Variants in PHAX observed in about 807,000 individuals in gnomAD.
PHAX encodes the protein phosphorylated adapter RNA export protein.
A neutral mutation model predicts 41.6 loss-of-function variants in PHAX; 31 were observed. The observed-to-expected ratio is 0.75, with a 90% CI of 0.56 to 1.01. PHAX has a LOEUF of 1.01. PHAX is among the 50% of genes least tolerant of loss of function. The pLI, the probability that PHAX is intolerant of heterozygous loss-of-function variation, is 0.00. For missense variants in PHAX, 453 were observed against 472.9 expected (o/e 0.96, Z 0.39); for synonymous variants, 175 against 164.9 (o/e 1.06, Z -0.47).
chr5:126,618,670 GT>G (rs1310062519), intron 4 of PHAX, among the ~76,000 whole-genome samples: 153 of 120,340 alleles, frequency 1.3e-3, no homozygotes, highest in African/African-American at 1.9e-3. Flanking sequence ...TTTAAAAACT[GT>G]TTTTTTTTTT....
At chr5:126,603,495 C>T in intron 1 of PHAX, 75 bp from the exon 2 acceptor site, 1 of 1,479,108 alleles carries the variant, frequency 6.8e-7, no homozygotes, top group Non-Finnish European at 9.1e-7. Context: ...AAAGTTGAAT[C>T]TCTAAATTTT....
chr5:126,603,863 G>C lies in PHAX; in HGVS notation c.390G>C (p.Val130=). Residue 130 remains valine, a synonymous_variant, in exon 2 of 5, where the codon GTG becomes GTC. Transcript: ENST00000297540. ...TGCAGGAACAGAATCAAGATGCAGT[G>C]GCCACTGAACTTGGTATCTTGGGAA... ...AVLQEQNQDA[V]ATELGILGME... is the part of the protein sequence containing the mutation. 6.2e-7 allele frequency: 1 copy of C among 1,614,032 alleles called. No individual in the cohort carries two copies. Among genetic ancestry groups the C allele is most frequent in the Non-Finnish European group, 8.5e-7 (1 of 1,180,022 alleles).
At position 126,624,908 on chromosome 5, in the gene PHAX, C is replaced by T; in HGVS notation, c.*64C>T. On this transcript the variant is annotated 3_prime_UTR_variant, in exon 5 of 5. Coordinates refer to ENST00000297540, the MANE Select transcript of PHAX (RefSeq NM_032177.4). ...ATAACATTGTAATAAACCATTTTTA[C>T]TGAGATTGCAACGTTTTGCACTGAT... 6.9e-7 allele frequency: 1 copy of T among 1,439,540 alleles called. No homozygotes were observed. 89.2% of individuals were successfully genotyped at this position (1,439,540 alleles called of 1,614,324 possible).
intron 3 of PHAX, among the ~76,000 whole-genome samples, chr5:126,609,720 AAAAAC>A (rs1752050280): frequency 6.6e-6 from 1 of 151,870 alleles, no homozygotes; most frequent in East Asian, 1.9e-4. Context: ...GGCAAAAAAA[AAAAAC>A]AAAACACCCT....
chr5:126,609,912 A>C (rs1226684507), intron 3 of PHAX, among the ~76,000 whole-genome samples: 1 of 151,662 alleles, frequency 6.6e-6, no homozygotes, highest in East Asian at 1.9e-4. Flanking sequence ...TAGTTTTTGT[A>C]TTTTAGTAGA....
In PHAX at chr5:126,608,439, G is replaced by A; in HGVS notation, c.786G>A (p.Leu262=). The change falls in exon 3 of 5, where the codon CTG becomes CTA. Residue 262 remains leucine (L), a synonymous_variant. Coordinates refer to ENST00000297540, the MANE Select transcript of PHAX (RefSeq NM_032177.4). ...IIGNKKAIEL[L]METAEVEQNG... Reference sequence around the variant, plus strand: ...GTAACAAAAAGGCAATTGAACTTCTGATGGAAACCGCTGAAGTTGAACAAA... The same window carrying A: ...GTAACAAAAAGGCAATTGAACTTCTAATGGAAACCGCTGAAGTTGAACAAA... 2.5e-6 allele frequency: 4 copies of A among 1,613,934 alleles called. No homozygotes were observed. The highest frequency in any genetic ancestry group is 3.4e-6 in the Non-Finnish European group (4 of 1,179,916).
Position 126,603,874 on chromosome 5 carries a change from T to C in PHAX, c.401T>C (p.Leu134Pro). 1 of 1,614,016 alleles carries C rather than the reference T, an allele frequency of 6.2e-7. No individual in the cohort carries two copies. Among genetic ancestry groups the C allele is most frequent in the Non-Finnish European group, 8.5e-7 (1 of 1,180,000 alleles). The change falls in exon 2 of 5, where the codon CTT becomes CCT. Residue 134 changes from leucine (L) to proline (P), a missense_variant. Leu to Pro is a moderately conservative substitution (Grantham distance 98, BLOSUM62 -3). Coordinates refer to ENST00000297540, the MANE Select transcript of PHAX (RefSeq NM_032177.4). ...EQNQDAVATE[L>P]GILGMEGTID... Reference sequence around the variant, plus strand: ...AATCAAGATGCAGTGGCCACTGAACTTGGTATCTTGGGAATGGAGGGCACT... The same window carrying C: ...AATCAAGATGCAGTGGCCACTGAACCTGGTATCTTGGGAATGGAGGGCACT...
Position 126,609,127 on chromosome 5 carries a change from G to A in PHAX, c.831+643G>A, listed in dbSNP as rs1251155850. 1.5e-3 allele frequency among the ~76,000 whole-genome samples: 125 copies of A among 82,852 alleles called. 1 individual carries two copies. Among genetic ancestry groups the A allele is most frequent in the African/African-American group, 9.1e-3 (121 of 13,228 alleles). The allele number at this position is 82,852 out of a possible 152,430, so 54.4% of individuals were successfully genotyped here. On this transcript the variant is annotated intron_variant, in intron 3 of 4. Transcript: ENST00000297540. Reference sequence around the variant, plus strand: ...TTTTTTTTTTTTTTTTTGAGAAGGAGTCTCGCTCTGTCGCCCAGACTGGAG... The same window carrying A: ...TTTTTTTTTTTTTTTTTGAGAAGGAATCTCGCTCTGTCGCCCAGACTGGAG...
chr5:126,617,591 G>T (rs570511231), intron 4 of PHAX, among the ~76,000 whole-genome samples: 17 of 152,180 alleles, frequency 1.1e-4, no homozygotes, highest in African/African-American at 3.9e-4. Flanking sequence ...TGATTCTCGT[G>T]CCTCAGCCTC....
chr5:126,617,589 G>A (rs539085313), intron 4 of PHAX, among the ~76,000 whole-genome samples: 2 of 151,814 alleles, frequency 1.3e-5, no homozygotes, highest in African/African-American at 2.4e-5. Context: ...AGTGATTCTC[G>A]TGCCTCAGCC....
intron 1 of PHAX, among the ~76,000 whole-genome samples, chr5:126,601,669 G>T (rs562368843): frequency 6.6e-6 from 1 of 152,222 alleles, no homozygotes; most frequent in African/African-American, 2.4e-5. Flanking sequence ...TAGCCTCTCT[G>T]ATTTTGTTTG....
chr5:126,603,963 T>A lies in PHAX; in HGVS notation c.490T>A (p.Ser164Thr). Residue 164 changes from serine (S) to threonine (T), a missense_variant, in exon 2 of 5, where the codon TCT becomes ACT. Coordinates refer to ENST00000297540, the MANE Select transcript of PHAX (RefSeq NM_032177.4). ...GCTTGCCAAGAAACTTAGGAAGGAATCTCAAGAGCATACAAAAGATCTAGA... is the reference window on the plus strand; with the variant it reads ...GCTTGCCAAGAAACTTAGGAAGGAAACTCAAGAGCATACAAAAGATCTAGA... ...YLLAKKLRKE[S>T]QEHTKDLDKE... 6.2e-7 allele frequency: 1 copy of A among 1,613,872 alleles called. No individual in the cohort carries two copies. The highest frequency in any genetic ancestry group is 8.5e-7 in the Non-Finnish European group (1 of 1,179,984).
intron 2 of PHAX, among the ~76,000 whole-genome samples, chr5:126,605,206 T>C (rs1359411962): frequency 1.3e-5 from 2 of 151,406 alleles, no homozygotes; most frequent in Non-Finnish European, 2.9e-5. Context: ...CTCTGGTCAC[T>C]CAGCTGGAGT....
chr5:126,624,750 C>G lies in PHAX; in HGVS notation c.1091C>G (p.Ser364Cys). Reference protein sequence around the residue: ...FASDTNEALASLDESQEGHAE... With the variant: ...FASDTNEALACLDESQEGHAE... ...AGTGACACGAATGAGGCCTTGGCCTCTCTTGATGAGTCACAGGAAGGACAT... is the reference window on the plus strand; with the variant it reads ...AGTGACACGAATGAGGCCTTGGCCTGTCTTGATGAGTCACAGGAAGGACAT... The change falls in exon 5 of 5, where the codon TCT becomes TGT. Residue 364 changes from serine to cysteine, a missense_variant. Transcript: ENST00000297540. The G allele has an allele frequency of 1.2e-6, 2 of 1,614,174 alleles. No homozygotes were observed. The highest frequency in any genetic ancestry group is 1.7e-6 in the Non-Finnish European group (2 of 1,180,020).
At position 126,601,063 on chromosome 5, in the gene PHAX, G is replaced by A. The variant is rs775135406; in HGVS notation, c.96+5G>A. 6.3e-7 allele frequency: 1 copy of A among 1,599,724 alleles called. No homozygotes were observed. ...GACAGGCCGCTGCAATTGCCAGTGA[G>A]TGTGAAAGGAGGGTGGGTGATCGTG... is the stretch of plus-strand genomic sequence containing the variant. On this transcript the variant is annotated splice_donor_5th_base_variant and intron_variant, in intron 1 of 4. Transcript: ENST00000297540.
intron 4 of PHAX, among the ~76,000 whole-genome samples, chr5:126,619,862 G>T (rs1752241545): frequency 6.6e-6 from 1 of 152,190 alleles, no homozygotes; most frequent in Admixed American, 6.6e-5. Flanking sequence ...ATAGACTAAA[G>T]ATTGAGAACT....
In PHAX at chr5:126,604,115, C is replaced by G; in HGVS notation, c.642C>G (p.Asn214Lys). The change falls in exon 2 of 5, where the codon AAC (asparagine) becomes AAG (lysine). Residue 214 changes from asparagine to lysine, a missense_variant. Transcript: ENST00000297540. Reference protein sequence around the residue: ...KDRLGNRPEMNYKGRYEITAE... With the variant: ...KDRLGNRPEMKYKGRYEITAE... ...GGCTAGGGAACAGACCAGAAATGAA[C>G]TATAAAGGTCGATACGAGATCACAG... 1 of 1,599,100 alleles carries G rather than the reference C, an allele frequency of 6.3e-7. No individual in the cohort carries two copies. The highest frequency in any genetic ancestry group is 8.5e-7 in the Non-Finnish European group (1 of 1,175,136).
chr5:126,615,452 A>G (rs1322525886), intron 3 of PHAX, among the ~76,000 whole-genome samples: 2 of 150,812 alleles, frequency 1.3e-5, no homozygotes, highest in African/African-American at 2.4e-5. Context: ...CTTCCATACT[A>G]TAAACAGGTG....
chr5:126,617,066 TGAA>T, intron 3 of PHAX, among the ~76,000 whole-genome samples, 181 bp from the exon 4 acceptor site: 1 of 152,158 alleles, frequency 6.6e-6, no homozygotes, highest in East Asian at 1.9e-4. Flanking sequence ...ATTTTATAGA[TGAA>T]GAAACTGAAA....
Sources: gnomAD v4.1 joint callset for allele counts (sites outside exome capture counted in the v4.1 genomes callset) on GRCh38, gnomAD v4.1.1 for gene constraint, MANE v1.5 for transcripts, NCBI Gene and HGNC (gene_info 2026-07-23, HGNC 2026-07-21) for gene names.